The following NAA11 variants were observed in gnomAD, a reference collection of about 807,000 sequenced individuals.
The protein encoded by NAA11 is N-alpha-acetyltransferase 11.
In NAA11, 15 loss-of-function variants were observed where a neutral mutation model predicts 16.1. That is an observed-to-expected ratio of 0.93 (90% CI 0.62 to 1.44). The LOEUF (loss-of-function observed/expected upper bound fraction) is 1.44. Among genes scored for constraint, NAA11 ranks in the 40% most tolerant of loss-of-function variants. NAA11 has a pLI of 0.00. For missense variants in NAA11, 298 were observed against 291.3 expected, an observed-to-expected ratio of 1.02 and a Z score of -0.17; for synonymous variants, 122 against 112.4, an observed-to-expected ratio of 1.09 and a Z score of -0.54.
chr4:79,251,483 G>C (rs1334497138), intron 2 of NAA11, among the ~76,000 whole-genome samples: 1 of 152,120 alleles, frequency 6.6e-6, no homozygotes, highest in East Asian at 1.9e-4. Context: ...TGAGAGTGGA[G>C]GTTGAGAGGA....
the NAA11 span, among the ~76,000 whole-genome samples, chr4:79,166,279 T>C: frequency 6.6e-6 from 1 of 152,136 alleles, no homozygotes; most frequent in Non-Finnish European, 1.5e-5. Context: ...TATGTTCTAT[T>C]GTTCTTAGAA....
chr4:79,235,934 CATTATATG>C (rs1721559902), intron 2 of NAA11, among the ~76,000 whole-genome samples: 1 of 149,290 alleles, frequency 6.7e-6, no homozygotes, highest in Non-Finnish European at 1.5e-5. Flanking sequence ...ATCATAGTTC[CATTATATG>C]GGAATATTAC....
chr4:79,247,430 C>T (rs1721865173), intron 2 of NAA11, among the ~76,000 whole-genome samples: 1 of 152,104 alleles, frequency 6.6e-6, no homozygotes. Flanking sequence ...TTGCCATTTG[C>T]CTGTATTCTT....
At chr4:79,298,994 T>G (rs1464412652) in intron 1 of NAA11, 1 of 152,264 alleles carries the variant, frequency 6.6e-6, no homozygotes, top group East Asian at 1.9e-4. Flanking sequence ...CTTTTTCTAC[T>G]TGTTAGGTTA....
At chr4:79,185,172 C>T in the NAA11 span, among the ~76,000 whole-genome samples, 138 of 152,092 alleles carry the variant, frequency 9.1e-4, 5 homozygotes, top group South Asian at 0.023. Context: ...CAGTAGTTAA[C>T]GTTGTATACC....
chr4:79,156,695 A>G, the NAA11 span, among the ~76,000 whole-genome samples: 2 of 152,230 alleles, frequency 1.3e-5, no homozygotes, highest in Non-Finnish European at 2.9e-5. Context: ...ATATCTGGGC[A>G]CTGTGGACCA....
the NAA11 span, among the ~76,000 whole-genome samples, chr4:79,168,747 G>GT: frequency 1.9e-3 from 287 of 152,200 alleles, 4 homozygotes; most frequent in South Asian, 0.032. Flanking sequence ...ATTTGTTTAA[G>GT]TTTTTTGTAG....
chr4:79,200,673 G>T, the NAA11 span, among the ~76,000 whole-genome samples: 1,490 of 151,846 alleles, frequency 9.8e-3, 31 homozygotes, highest in African/African-American at 0.032. Flanking sequence ...GGCTGGAAAT[G>T]ACTCAGTCAA....
intron 2 of NAA11, chr4:79,258,852 G>T (rs188076775): frequency 6.2e-6 from 1 of 160,064 alleles, no homozygotes; most frequent in East Asian, 1.9e-4. Context: ...AAAGCCCTGC[G>T]CTCAGCCAGA....
At chr4:79,247,737 G>T (rs1721873940) in intron 2 of NAA11, among the ~76,000 whole-genome samples, 1 of 152,152 alleles carries the variant, frequency 6.6e-6, no homozygotes, top group South Asian at 2.1e-4. Context: ...CATGCACTGA[G>T]ACTCATTCCT....
intron 2 of NAA11, among the ~76,000 whole-genome samples, chr4:79,272,674 G>A (rs1385702397): frequency 1.3e-5 from 2 of 152,004 alleles, no homozygotes; most frequent in Non-Finnish European, 2.9e-5. Flanking sequence ...CAGTATTATA[G>A]AGTAATGCTA....
At chr4:79,315,707 G>A (rs1422362343), downstream of NAA11, among the ~76,000 whole-genome samples, 1 of 151,678 alleles carries the variant, frequency 6.6e-6, no homozygotes, top group African/African-American at 2.4e-5. Context: ...CACTTTTCCT[G>A]TGTAAAAAGA....
At chr4:79,300,848 A>AT (rs1306977442) in intron 1 of NAA11, among the ~76,000 whole-genome samples, 1 of 152,180 alleles carries the variant, frequency 6.6e-6, no homozygotes, top group African/African-American at 2.4e-5. Flanking sequence ...GAGAAGCCAT[A>AT]TTTTAAGAAG....
At chr4:79,292,613 G>C (rs1030117694) in intron 2 of NAA11, among the ~76,000 whole-genome samples, 1 of 152,210 alleles carries the variant, frequency 6.6e-6, no homozygotes, top group African/African-American at 2.4e-5. Context: ...TAACTTTACA[G>C]ATGTCAAAGG....
At chr4:79,180,010 TC>T in the NAA11 span, among the ~76,000 whole-genome samples, 4 of 152,206 alleles carry the variant, frequency 2.6e-5, no homozygotes, top group South Asian at 8.3e-4. Flanking sequence ...GAACTCACTA[TC>T]ACGAAAACAG....
At chr4:79,225,841 C>T (rs2109951941) in exon 3 of NAA11, 1 of 152,102 alleles carries the variant, frequency 6.6e-6, no homozygotes, top group Non-Finnish European at 1.5e-5. Context: ...GGGGGATCTC[C>T]CGTTAAAAAG....
chr4:79,249,000 C>A (rs563114853), intron 2 of NAA11, among the ~76,000 whole-genome samples: 3 of 152,194 alleles, frequency 2.0e-5, no homozygotes, highest in East Asian at 1.9e-4. Flanking sequence ...AGCCCCCCCC[C>A]AGTGCAGCAG....
chr4:79,295,543 T>C (rs1388168985), intron 1 of NAA11, among the ~76,000 whole-genome samples: 8 of 152,136 alleles, frequency 5.3e-5, no homozygotes, highest in Admixed American at 5.2e-4. Flanking sequence ...TTTAGACACA[T>C]AAGGAAGGAC....
At chr4:79,172,185 A>G in the NAA11 span, among the ~76,000 whole-genome samples, 1 of 152,136 alleles carries the variant, frequency 6.6e-6, no homozygotes, top group Non-Finnish European at 1.5e-5. Context: ...TGGAAAAACA[A>G]TGCTTTCAAA....
Sources: allele counts gnomAD v4.1 joint callset (sites outside exome capture counted in the v4.1 genomes callset), GRCh38; gene constraint gnomAD v4.1.1; transcripts MANE v1.5; gene names NCBI Gene and HGNC (gene_info 2026-07-23, HGNC 2026-07-21).